FHIP1A: variants seen among roughly 807,000 people sequenced by gnomAD.
FHIP1A encodes FHF complex subunit HOOK-interacting protein 1A.
FHIP1A carries 61 observed loss-of-function variants against 88.6 expected under a neutral mutation model. That is an observed-to-expected ratio of 0.69 (90% confidence interval 0.56 to 0.85). The LOEUF is 0.85. Ranked by LOEUF, FHIP1A falls within the 40% of genes least tolerant of loss-of-function variation. The pLI, the probability that FHIP1A is intolerant of heterozygous loss-of-function variation, is 0.00. For missense variants in FHIP1A, 1,154 were observed against 1,273.5 expected (o/e 0.91, Z 1.43); for synonymous variants, 478 against 496.0 (o/e 0.96, Z 0.48).
At chr4:151,658,656 C>T (rs1394392833) in intron 13 of FHIP1A, among the ~76,000 whole-genome samples, 1 of 152,164 alleles carries the variant, frequency 6.6e-6, no homozygotes, top group Non-Finnish European at 1.5e-5. Flanking sequence ...GAGCAAAAAC[C>T]CCACCTCTTG....
intron 1 of FHIP1A, among the ~76,000 whole-genome samples, chr4:151,449,681 C>G (rs1247403301): frequency 2.6e-5 from 4 of 152,052 alleles, no homozygotes; most frequent in Non-Finnish European, 4.4e-5. Context: ...TCCCCATCCT[C>G]CCCTCTCCCA....
intron 3 of FHIP1A, among the ~76,000 whole-genome samples, chr4:151,487,749 C>T (rs567507899): frequency 4.6e-5 from 7 of 152,272 alleles, no homozygotes; most frequent in African/African-American, 1.4e-4. Context: ...TTTTTCTCAT[C>T]GTACAAATAA....
intron 2 of FHIP1A, among the ~76,000 whole-genome samples, chr4:151,478,428 G>T (rs766690413): frequency 6.6e-6 from 1 of 152,042 alleles, no homozygotes; most frequent in South Asian, 2.1e-4. Flanking sequence ...GGTGATTTTC[G>T]TTGTAAAAAC....
At chr4:151,526,251 C>T (rs1731630514) in intron 3 of FHIP1A, among the ~76,000 whole-genome samples, 1 of 152,194 alleles carries the variant, frequency 6.6e-6, no homozygotes, top group Admixed American at 6.5e-5. Context: ...TCATCATGGC[C>T]CATTCTCAAT....
At chr4:151,449,731 C>G (rs1390931593) in intron 1 of FHIP1A, among the ~76,000 whole-genome samples, 1 of 152,118 alleles carries the variant, frequency 6.6e-6, no homozygotes, top group Non-Finnish European at 1.5e-5. Context: ...ACTTGTCTGT[C>G]TATACAAAGT....
chr4:151,471,757 C>T (rs1305817722), intron 2 of FHIP1A, among the ~76,000 whole-genome samples: 1 of 151,982 alleles, frequency 6.6e-6, no homozygotes, highest in Non-Finnish European at 1.5e-5. Flanking sequence ...TTCTTTTATC[C>T]CTTACCCTCT....
At chr4:151,623,827 T>A (rs901816547) in intron 7 of FHIP1A, among the ~76,000 whole-genome samples, 1 of 152,234 alleles carries the variant, frequency 6.6e-6, no homozygotes, top group African/African-American at 2.4e-5. Flanking sequence ...TTCCTCTCGC[T>A]GTTTTCCTCA....
At chr4:151,653,252 A>T (rs1737096577) in intron 11 of FHIP1A, among the ~76,000 whole-genome samples, 1 of 152,090 alleles carries the variant, frequency 6.6e-6, no homozygotes, top group Admixed American at 6.6e-5. Flanking sequence ...CACCCTAGCA[A>T]TCTAATATTT....
chr4:151,647,433 A>C (rs1464314111), intron 10 of FHIP1A, among the ~76,000 whole-genome samples: 1 of 152,188 alleles, frequency 6.6e-6, no homozygotes, highest in African/African-American at 2.4e-5. Context: ...GACCACTAGG[A>C]AATGCCCAGT....
intron 1 of FHIP1A, among the ~76,000 whole-genome samples, chr4:151,431,519 A>G (rs530159136): frequency 3.8e-4 from 58 of 152,182 alleles, no homozygotes; most frequent in African/African-American, 1.4e-3. Context: ...TCCTGTGTCA[A>G]GTGTTAAGGG....
chr4:151,525,705 G>A (rs1560748165), intron 3 of FHIP1A, among the ~76,000 whole-genome samples: 1 of 144,836 alleles, frequency 6.9e-6, no homozygotes, highest in East Asian at 2.0e-4. Flanking sequence ...GATCTGTAGT[G>A]TTTTCCTGAA....
At chr4:151,565,784 G>A (rs923402505) in intron 3 of FHIP1A, among the ~76,000 whole-genome samples, 1 of 151,580 alleles carries the variant, frequency 6.6e-6, no homozygotes, top group Non-Finnish European at 1.5e-5. Context: ...GGCAAAAACC[G>A]CAATTACTTT....
At chr4:151,604,752 A>G (rs1042025722) in intron 7 of FHIP1A, among the ~76,000 whole-genome samples, 2 of 151,820 alleles carry the variant, frequency 1.3e-5, no homozygotes, top group African/African-American at 4.8e-5. Flanking sequence ...AGGAGGCTGC[A>G]GCAGGAGAAT....
chr4:151,550,336 T>G (rs1732677049), intron 3 of FHIP1A, among the ~76,000 whole-genome samples: 1 of 152,162 alleles, frequency 6.6e-6, no homozygotes. Context: ...TATTCATTCT[T>G]TCTATTTTTT....
At chr4:151,583,899 A>G (rs1053514977) in intron 5 of FHIP1A, among the ~76,000 whole-genome samples, 1 of 152,210 alleles carries the variant, frequency 6.6e-6, no homozygotes, top group African/African-American at 2.4e-5. Context: ...AATAGGGGAC[A>G]TTCTCCTTTG....
At chr4:151,517,284 A>C (rs1404264186) in intron 3 of FHIP1A, among the ~76,000 whole-genome samples, 2 of 151,446 alleles carry the variant, frequency 1.3e-5, no homozygotes, top group Admixed American at 6.6e-5. Flanking sequence ...GGGGAACATC[A>C]CATCTGGGGA....
intron 3 of FHIP1A, among the ~76,000 whole-genome samples, chr4:151,539,650 TC>T (rs1325529320): frequency 6.6e-6 from 1 of 151,654 alleles, no homozygotes; most frequent in Non-Finnish European, 1.5e-5. Flanking sequence ...TTCCATTCTC[TC>T]TGGAAAGTAC....
chr4:151,508,215 A>C (rs1730900729), intron 3 of FHIP1A, among the ~76,000 whole-genome samples: 1 of 152,254 alleles, frequency 6.6e-6, no homozygotes, highest in Non-Finnish European at 1.5e-5. Flanking sequence ...TAATCTTAGA[A>C]TATCTCAGAG....
At chr4:151,508,712 TG>T (rs1264048184) in intron 3 of FHIP1A, among the ~76,000 whole-genome samples, 1 of 152,200 alleles carries the variant, frequency 6.6e-6, no homozygotes, top group East Asian at 1.9e-4. Flanking sequence ...GACTTGGACT[TG>T]GAACCCACTG....
Sources: gnomAD v4.1 joint callset for allele counts (sites outside exome capture counted in the v4.1 genomes callset) on GRCh38, gnomAD v4.1.1 for gene constraint, MANE v1.5 for transcripts, NCBI Gene and HGNC (gene_info 2026-07-23, HGNC 2026-07-21) for gene names.